Variants in RASA2 observed in about 807,000 individuals in gnomAD.
RASA2 encodes the protein ras GTPase-activating protein 2.
A neutral mutation model predicts 118.2 loss-of-function variants in RASA2; 155 were observed. That is an observed-to-expected ratio of 1.31 (90% CI 1.15 to 1.50). The LOEUF is 1.50. Ranked by LOEUF, RASA2 falls within the 40% of genes most tolerant of loss-of-function variation. The pLI, the probability that RASA2 is intolerant of heterozygous loss-of-function variation, is 0.00. For synonymous variants in RASA2, 353 were observed against 349.1 expected, an observed-to-expected ratio of 1.01 and a Z score of -0.12; for missense variants, 1,016 against 1,009.6, an observed-to-expected ratio of 1.01 and a Z score of -0.09.
intron 1 of RASA2, among the ~76,000 whole-genome samples, chr3:141,501,154 C>T (rs2081772904): frequency 6.6e-6 from 1 of 152,216 alleles, no homozygotes; most frequent in African/African-American, 2.4e-5. Context: ...AAACAAATCT[C>T]TGGCTAGCCA....
At chr3:141,565,935 A>G (rs187517983) in intron 9 of RASA2, among the ~76,000 whole-genome samples, 8 of 152,300 alleles carry the variant, frequency 5.3e-5, no homozygotes, top group Admixed American at 3.3e-4. Context: ...TTCTTCTTGT[A>G]TTAACCATCC....
Position 141,516,421 on chromosome 3 carries a change from T to C in RASA2, c.345T>C (p.Asp115=). The C allele has an allele frequency of 6.5e-7, 1 of 1,545,550 alleles. No individual in the cohort carries two copies. The highest frequency in any genetic ancestry group is 8.7e-7 in the Non-Finnish European group (1 of 1,144,912). The change falls in exon 3 of 24, where the codon GAT becomes GAC. Residue 115 remains aspartate, a synonymous_variant. Transcript: ENST00000286364. ...YVYDKNVLQR[D]LRIGKVAIKK... is the part of the protein sequence containing the mutation. Reference sequence around the variant, plus strand: ...ATGATAAGAATGTTTTACAAAGAGATCTCCGTATAGGTATGTACTATTCAT... The same window carrying C: ...ATGATAAGAATGTTTTACAAAGAGACCTCCGTATAGGTATGTACTATTCAT...
Position 141,609,867 on chromosome 3 carries a change from C to T in RASA2, c.2330-10C>T, listed in dbSNP as rs1043354023. On this transcript the variant is annotated splice_polypyrimidine_tract_variant and intron_variant, in intron 22 of 23. Coordinates refer to ENST00000286364, the MANE Select transcript of RASA2 (RefSeq NM_006506.5). ...GTCTGATCAGAGATTTATTTTCCTG[C>T]TCTTTGTAGAGGCTTGTGGAACTAT... 2 of 1,532,326 alleles carry T rather than the reference C, an allele frequency of 1.3e-6. No homozygotes were observed. The highest frequency in any genetic ancestry group is 1.7e-6 in the Non-Finnish European group (2 of 1,145,644). 94.9% of individuals were successfully genotyped at this position (1,532,326 alleles called of 1,614,324 possible).
At chr3:141,548,351 T>A (rs1248758074) in intron 5 of RASA2, among the ~76,000 whole-genome samples, 1 of 152,174 alleles carries the variant, frequency 6.6e-6, no homozygotes, top group Middle Eastern at 3.2e-3. Flanking sequence ...TGGCTTCAAT[T>A]TCATTACTTG....
chr3:141,605,320 A>G (rs1316638308), intron 19 of RASA2, among the ~76,000 whole-genome samples: 1 of 151,994 alleles, frequency 6.6e-6, no homozygotes, highest in African/African-American at 2.4e-5. Context: ...TAACTATTCT[A>G]TTTTTGCTTC....
intron 9 of RASA2, among the ~76,000 whole-genome samples, chr3:141,560,530 T>G (rs2082715807): frequency 6.6e-6 from 1 of 152,208 alleles, no homozygotes; most frequent in Non-Finnish European, 1.5e-5. Context: ...TTTTTAGGGC[T>G]CTTGGTTTTC....
intron 9 of RASA2, among the ~76,000 whole-genome samples, chr3:141,563,559 T>C (rs1309991097): frequency 2.6e-5 from 4 of 152,178 alleles, no homozygotes; most frequent in African/African-American, 4.8e-5. Context: ...ATGTGTAACA[T>C]TTACATAGTG....
At chr3:141,594,313 A>G (rs1560057663) in intron 19 of RASA2, among the ~76,000 whole-genome samples, 2 of 151,986 alleles carry the variant, frequency 1.3e-5, no homozygotes, top group African/African-American at 4.8e-5. Flanking sequence ...TAACATATGC[A>G]TGGTTGGTGT....
At chr3:141,544,304 G>T (rs1302085812) in intron 5 of RASA2, among the ~76,000 whole-genome samples, 2 of 152,132 alleles carry the variant, frequency 1.3e-5, no homozygotes, top group African/African-American at 4.8e-5. Flanking sequence ...CAGATTTGGG[G>T]AATTTTCAAC....
chr3:141,564,939 T>A (rs1031054921), intron 9 of RASA2, among the ~76,000 whole-genome samples: 4 of 152,178 alleles, frequency 2.6e-5, no homozygotes, highest in Admixed American at 6.6e-5. Flanking sequence ...TGCTTTTAAG[T>A]ATATCAGGCT....
At chr3:141,548,041 G>A (rs1001094311) in intron 5 of RASA2, among the ~76,000 whole-genome samples, 1 of 152,066 alleles carries the variant, frequency 6.6e-6, no homozygotes, top group African/African-American at 2.4e-5. Flanking sequence ...ATCCCACTTG[G>A]TCATGATGAA....
chr3:141,609,765 C>A (rs1239148151), intron 22 of RASA2, 112 bp from the exon 23 acceptor site: 4 of 1,048,052 alleles, frequency 3.8e-6, no homozygotes, highest in Non-Finnish European at 5.4e-6. Context: ...CTCGGCTCTG[C>A]CAAGGGAAAT....
intron 1 of RASA2, among the ~76,000 whole-genome samples, chr3:141,494,740 T>G (rs1223231017): frequency 6.6e-6 from 1 of 152,018 alleles, no homozygotes; most frequent in Non-Finnish European, 1.5e-5. Flanking sequence ...TTAAGAGCCT[T>G]TTTTTTTGAT....
At chr3:141,607,306 A>G (rs1290643268) in intron 19 of RASA2, among the ~76,000 whole-genome samples, 2 of 152,152 alleles carry the variant, frequency 1.3e-5, no homozygotes, top group African/African-American at 4.8e-5. Context: ...TAACTCCTCC[A>G]TGAAAGAAAA....
chr3:141,599,910 A>G (rs1443251566), intron 19 of RASA2, among the ~76,000 whole-genome samples: 1 of 152,240 alleles, frequency 6.6e-6, no homozygotes, highest in South Asian at 2.1e-4. Context: ...ATTGTAATTA[A>G]CTACATTTTT....
At position 141,525,089 on chromosome 3, in the gene RASA2, A is replaced by G. The variant is rs1215474706; in HGVS notation, c.356-4619A>G. The G allele has an allele frequency of 2.6e-5, 4 of 152,178 alleles. No individual in the cohort carries two copies. In the East Asian group the frequency reaches 7.7e-4, roughly 29 times the overall value. 9.4% of individuals were successfully genotyped at this position (152,178 alleles called of 1,614,324 possible). ...TGCTGAAAAATGGTATTAGAAAGCT[A>G]AAAATGCTTTTTTTTTATTTAAAGA... On this transcript the variant is annotated intron_variant, in intron 3 of 23. Transcript: ENST00000286364.
chr3:141,526,392 C>G (rs2082185417), intron 3 of RASA2, among the ~76,000 whole-genome samples: 1 of 151,470 alleles, frequency 6.6e-6, no homozygotes, highest in Admixed American at 6.6e-5. Flanking sequence ...CCCATCCTCT[C>G]TTCTCCCTCT....
chr3:141,572,411 G>A (rs2082938671), intron 11 of RASA2, among the ~76,000 whole-genome samples, 198 bp from the exon 12 acceptor site: 1 of 151,782 alleles, frequency 6.6e-6, no homozygotes. Context: ...ATATATTTTT[G>A]GTAAGTTTGA....
rs2083670139 is a variant in RASA2, at chr3:141,612,647, C to G, written c.*334C>G. The stretch of plus-strand genomic sequence containing the variant: ...AGCAAGAAACCATCTCTTCTTGTAA[C>G]ACTCTGTTCTGTGGACTTGTTTTCA... On this transcript the variant is annotated 3_prime_UTR_variant, in exon 24 of 24. Transcript: ENST00000286364. 4.4e-6 allele frequency: 1 copy of G among 226,854 alleles called. No individual in the cohort carries two copies. Among genetic ancestry groups the G allele is most frequent in the Non-Finnish European group, 8.6e-6 (1 of 116,122 alleles). The allele number at this position is 226,854 out of a possible 1,614,324, so 14.1% of individuals were successfully genotyped here.
Sources: gnomAD v4.1 joint callset for allele counts (sites outside exome capture counted in the v4.1 genomes callset) on GRCh38, gnomAD v4.1.1 for gene constraint, MANE v1.5 for transcripts, NCBI Gene and HGNC (gene_info 2026-07-23, HGNC 2026-07-21) for gene names.